Variants in PAPPA2 observed in about 807,000 individuals in gnomAD.
PAPPA2 encodes the protein pappalysin-2.
PAPPA2 carries 86 observed loss-of-function variants against 176.4 expected under a neutral mutation model. The observed-to-expected ratio is 0.49, with a 90% CI of 0.41 to 0.58. The LOEUF is 0.58. Ranked by LOEUF, PAPPA2 falls within the 20% of genes least tolerant of loss-of-function variation. The pLI is 0.00. For synonymous variants in PAPPA2, 809 were observed against 852.2 expected, an observed-to-expected ratio of 0.95 and a Z score of 0.88; for missense variants, 2,073 against 2,256.9, an observed-to-expected ratio of 0.92 and a Z score of 1.65.
At chr1:176,671,196 A>G (rs910827462) in intron 4 of PAPPA2, 81 bp downstream of exon 4, 23 of 1,559,334 alleles carry the variant, frequency 1.5e-5, no homozygotes. Flanking sequence ...TTTGGGGAAA[A>G]AAGAAAGACA....
chr1:176,839,643 G>A (rs1667406748), intron 21 of PAPPA2, among the ~76,000 whole-genome samples: 1 of 152,198 alleles, frequency 6.6e-6, no homozygotes, highest in African/African-American at 2.4e-5. Context: ...TGCACCAGGA[G>A]AGGGGTGGAG....
rs1655901267 is a variant in PAPPA2 at position 176,624,566 on chromosome 1, C to T, written c.1991+28971C>T. ...CTATCATTCTACTCTCATCTCTCAT[C>T]ATTCTCTAAATTCTCGTTATTTTCC... On this transcript the variant is annotated intron_variant, in intron 3 of 22. Coordinates refer to ENST00000367662, the MANE Select transcript of PAPPA2 (RefSeq NM_020318.3). 2.0e-5 allele frequency among the ~76,000 whole-genome samples: 3 copies of T among 152,168 alleles called. No homozygotes were observed. The South Asian group carries it at 6.2e-4, about 32-fold the overall frequency.
chr1:176,562,937 T>G (rs1282142628), intron 2 of PAPPA2, among the ~76,000 whole-genome samples: 1 of 152,184 alleles, frequency 6.6e-6, no homozygotes, highest in Non-Finnish European at 1.5e-5. Context: ...TATGGGAAAG[T>G]AATTTTCTCT....
intron 12 of PAPPA2, among the ~76,000 whole-genome samples, chr1:176,718,667 T>C (rs1422718995): frequency 6.6e-6 from 1 of 151,766 alleles, no homozygotes; most frequent in Non-Finnish European, 1.5e-5. Context: ...GTGTGCTGTT[T>C]AACTTGAAAA....
chr1:176,512,680 A>C (rs1648678465), intron 1 of PAPPA2, among the ~76,000 whole-genome samples: 1 of 152,184 alleles, frequency 6.6e-6, no homozygotes, highest in South Asian at 2.1e-4. Flanking sequence ...TAATGTATTG[A>C]TTACACTGAT....
chr1:176,844,891 A>C lies in PAPPA2; in HGVS notation c.*2437A>C, dbSNP rs1667610200. ...GCAACAGTAAGAACATTTCTGTTTT[A>C]AATTTCATTTTAAAATATTTTATTA... On this transcript the variant is annotated 3_prime_UTR_variant, in exon 23 of 23. Transcript: ENST00000367662. 1 of 152,160 alleles carries C rather than the reference A, an allele frequency of 6.6e-6. No homozygotes were observed. Among genetic ancestry groups the C allele is most frequent in the South Asian group, 2.1e-4 (1 of 4,832 alleles). 9.4% of individuals were successfully genotyped at this position (152,160 alleles called of 1,614,324 possible).
chr1:176,772,478 T>C (rs1041016276), intron 17 of PAPPA2, among the ~76,000 whole-genome samples: 1 of 152,132 alleles, frequency 6.6e-6, no homozygotes, highest in Non-Finnish European at 1.5e-5. Flanking sequence ...CTAGTTGATC[T>C]CTCAACCATG....
chr1:176,465,048 G>C (rs886688373), intron 1 of PAPPA2, among the ~76,000 whole-genome samples: 1 of 152,114 alleles, frequency 6.6e-6, no homozygotes, highest in African/African-American at 2.4e-5. Flanking sequence ...TTGCATATTT[G>C]CTATTTCCCA....
rs540611264 is a variant in PAPPA2, at chr1:176,477,084, A to G, written c.-917+13666A>G. Among the ~76,000 whole-genome samples the G allele has an allele frequency of 3.9e-5, 6 of 152,306 alleles. 1 individual carries two copies. The highest frequency in any genetic ancestry group is 1.3e-4 in the Admixed American group (2 of 15,292). On this transcript the variant is annotated intron_variant, in intron 1 of 22. Transcript: ENST00000367662. ...TTAGCTTTTCAAGGGAAGCCTTTCA[A>G]TCTCATCTAACTGCTCTCAGGAAGA...
In PAPPA2 at chr1:176,715,989, TATTA is replaced by T. The variant is rs573096653; in HGVS notation, c.3798+4019_3798+4022del. 1.6e-4 allele frequency among the ~76,000 whole-genome samples: 24 copies of T among 150,528 alleles called. 1 individual carries two copies. In the South Asian group the frequency reaches 4.4e-3, roughly 27 times the overall value. ...TGCTATACATATATTAATATTAATA[TATTA>T]ATTAATTAATATTAATAACTTCAAA... On this transcript the variant is annotated intron_variant, in intron 12 of 22. Coordinates refer to ENST00000367662, the MANE Select transcript of PAPPA2 (RefSeq NM_020318.3).
chr1:176,585,534 C>T (rs1334011509), intron 2 of PAPPA2, among the ~76,000 whole-genome samples: 3 of 152,106 alleles, frequency 2.0e-5, no homozygotes, highest in African/African-American at 7.2e-5. Flanking sequence ...TTTTCTAAGA[C>T]ATGAGAAGTT....
At chr1:176,775,627 G>A (rs1664425070) in intron 17 of PAPPA2, among the ~76,000 whole-genome samples, 1 of 151,902 alleles carries the variant, frequency 6.6e-6, no homozygotes, top group Non-Finnish European at 1.5e-5. Flanking sequence ...AATCACCCAG[G>A]GAGATTTAAA....
chr1:176,730,567 C>A (rs1372730978), intron 12 of PAPPA2, among the ~76,000 whole-genome samples: 1 of 150,998 alleles, frequency 6.6e-6, no homozygotes, highest in Non-Finnish European at 1.5e-5. Flanking sequence ...TACTTTCATT[C>A]ATCTCTCGTT....
chr1:176,579,337 C>G (rs10489475), intron 2 of PAPPA2, among the ~76,000 whole-genome samples: 23,548 of 152,138 alleles, frequency 0.15, 2,081 homozygotes, highest in South Asian at 0.27. Flanking sequence ...GTTGTATGCT[C>G]TTCCCATTAG....
chr1:176,534,211 T>C (rs538770799), intron 1 of PAPPA2, among the ~76,000 whole-genome samples: 1 of 152,320 alleles, frequency 6.6e-6, no homozygotes, highest in South Asian at 2.1e-4. Context: ...TCCCATGTTC[T>C]GGTACCTCCT....
chr1:176,599,879 A>C (rs1558464379), intron 3 of PAPPA2, among the ~76,000 whole-genome samples: 1 of 152,112 alleles, frequency 6.6e-6, no homozygotes, highest in Non-Finnish European at 1.5e-5. Flanking sequence ...CTCTTTTGAA[A>C]AAAGAAATTT....
intron 1 of PAPPA2, among the ~76,000 whole-genome samples, chr1:176,489,460 T>C (rs922427441): frequency 6.6e-6 from 1 of 152,208 alleles, no homozygotes; most frequent in Non-Finnish European, 1.5e-5. Flanking sequence ...TTTGGAGATA[T>C]TACCATATTG....
At chr1:176,478,012 T>C (rs1170884150) in intron 1 of PAPPA2, among the ~76,000 whole-genome samples, 1 of 152,162 alleles carries the variant, frequency 6.6e-6, no homozygotes, top group East Asian at 1.9e-4. Flanking sequence ...GTTCAATAAG[T>C]AGCTGTTAGA....
In PAPPA2 at chr1:176,791,397, G is replaced by A. The variant is rs756273427; in HGVS notation, c.4935G>A (p.Leu1645=). ...GCCTGTGGACCCAGGAGTTTAAGTT[G>A]TGTGAGAATCTGCAAGGAGAATGCC... ...KEGLWTQEFK[L]CENLQGECPP... Residue 1645 remains leucine (L), a synonymous_variant, in exon 19 of 23, where the codon TTG becomes TTA. Transcript: ENST00000367662. The A allele has an allele frequency of 3.2e-5, 51 of 1,612,496 alleles. No homozygotes were observed. The South Asian group carries it at 4.8e-4, about 15-fold the overall frequency.
Sources: gnomAD v4.1 joint callset for allele counts (sites outside exome capture counted in the v4.1 genomes callset) on GRCh38, gnomAD v4.1.1 for gene constraint, MANE v1.5 for transcripts, NCBI Gene and HGNC (gene_info 2026-07-23, HGNC 2026-07-21) for gene names.